The following SLC12A9 variants were observed in gnomAD, a reference collection of about 807,000 sequenced individuals.
The protein encoded by SLC12A9 is solute carrier family 12 member 9, also known as CCC-interacting protein 1.
In SLC12A9, 55 loss-of-function variants were observed where a neutral mutation model predicts 66.0. The observed-to-expected ratio is 0.83, with a 90% CI of 0.67 to 1.04. The LOEUF is 1.04. Among genes scored for constraint, SLC12A9 ranks in the 50% least tolerant of loss-of-function variants. SLC12A9 has a pLI of 0.00. For missense variants in SLC12A9, 1,061 were observed against 1,241.9 expected, an observed-to-expected ratio of 0.85 and a Z score of 2.19; for synonymous variants, 577 against 569.0, an observed-to-expected ratio of 1.01 and a Z score of -0.20.
chr7:100,833,513 CA>C (rs377751865), intron 1 of SLC12A9, among the ~76,000 whole-genome samples: 2 of 143,718 alleles, frequency 1.4e-5, no homozygotes, highest in South Asian at 2.2e-4. Flanking sequence ...CAAAACAAAA[CA>C]AAAAAAAACA....
intron 1 of SLC12A9, among the ~76,000 whole-genome samples, chr7:100,834,745 C>T (rs774178191): frequency 3.3e-4 from 50 of 151,952 alleles, no homozygotes; most frequent in Middle Eastern, 3.2e-3. Flanking sequence ...TGGTGGAGCA[C>T]GCCTGTGGTC....
intron 1 of SLC12A9, chr7:100,827,108 G>C (rs1232489369): frequency 6.8e-7 from 1 of 1,478,216 alleles, no homozygotes; most frequent in African/African-American, 1.4e-5. Context: ...TCCCTGGGCG[G>C]GTGGACGCCG....
intron 1 of SLC12A9, among the ~76,000 whole-genome samples, chr7:100,838,798 A>G (rs914567694): frequency 6.6e-5 from 10 of 152,228 alleles, no homozygotes; most frequent in African/African-American, 2.2e-4. Flanking sequence ...ATCTACAAGC[A>G]GACAGCCCGG....
chr7:100,830,673 A>C (rs1780651471), intron 1 of SLC12A9, among the ~76,000 whole-genome samples: 1 of 151,938 alleles, frequency 6.6e-6, no homozygotes, highest in South Asian at 2.1e-4. Context: ...GAGTGATCAC[A>C]TTGCTAGTTT....
At position 100,866,198 on chromosome 7, in the gene SLC12A9, G is replaced by T; in HGVS notation, c.2338G>T (p.Ala780Ser). The stretch of plus-strand genomic sequence containing the variant: ...CCTGGGGCCTCGGGAGGCGCCTGGG[G>T]CGGCCGAGGGGCGGCTGCGGGCACT... ...LCLGPREAPG[A>S]AEGRLRALLS... Residue 780 changes from alanine (A) to serine (S), a missense_variant, in exon 14 of 14, where the codon GCG becomes TCG. Transcript: ENST00000354161. This position sits in a 1 kb window ranked among gnomAD's most constrained non-coding sequence, Gnocchi z 7.3. 6.2e-7 allele frequency: 1 copy of T among 1,611,362 alleles called. No homozygotes were observed. The highest frequency in any genetic ancestry group is 8.5e-7 in the Non-Finnish European group (1 of 1,179,218).
intron 1 of SLC12A9, among the ~76,000 whole-genome samples, chr7:100,828,732 C>T (rs147517003): frequency 9.2e-5 from 14 of 152,130 alleles, no homozygotes; most frequent in African/African-American, 3.1e-4. Flanking sequence ...TGAGCTGTTT[C>T]CTGTCTGGCT....
At chr7:100,847,248 C>A (rs1024044948) in intron 1 of SLC12A9, among the ~76,000 whole-genome samples, 3 of 152,240 alleles carry the variant, frequency 2.0e-5, no homozygotes, top group Non-Finnish European at 4.4e-5. Flanking sequence ...GATCCACCCG[C>A]CTTGGCCTCC....
chr7:100,859,069 C>T lies in SLC12A9; in HGVS notation c.885C>T (p.Ser295=). The T allele has an allele frequency of 6.2e-7, 1 of 1,613,724 alleles. No homozygotes were observed. Among genetic ancestry groups the T allele is most frequent in the Non-Finnish European group, 8.5e-7 (1 of 1,179,998 alleles). The change falls in exon 7 of 14, where the codon AGC becomes AGT. Residue 295 remains serine, a synonymous_variant. Coordinates refer to ENST00000354161, the MANE Select transcript of SLC12A9 (RefSeq NM_020246.4). ...CTCCAGGGGAGCTGAAGGACCCCAG[C>T]CGGGCGATCCCTCTGGGCACGATCG... ...ANMSGELKDP[S]RAIPLGTIVA...
At chr7:100,827,197 A>C (rs1223998604) in intron 1 of SLC12A9, 1 of 511,140 alleles carries the variant, frequency 2.0e-6, no homozygotes, top group Non-Finnish European at 2.9e-6. Context: ...GGCGGCGCCA[A>C]GTGTGGCCCC....
At chr7:100,845,555 A>T (rs1026946527) in intron 1 of SLC12A9, among the ~76,000 whole-genome samples, 1 of 151,952 alleles carries the variant, frequency 6.6e-6, no homozygotes, top group East Asian at 1.9e-4. Flanking sequence ...TTCACCATGT[A>T]AGCCAGGATG....
At chr7:100,849,812 C>T (rs755118837), upstream of SLC12A9, among the ~76,000 whole-genome samples, 3 of 151,784 alleles carry the variant, frequency 2.0e-5, no homozygotes, top group East Asian at 1.9e-4. Flanking sequence ...CACTGGATCC[C>T]GAGTTCATCC....
In SLC12A9 at chr7:100,861,516, G is replaced by A. The variant is rs749375754; in HGVS notation, c.1468G>A (p.Ala490Thr). 68 of 1,613,758 alleles carry A rather than the reference G, an allele frequency of 4.2e-5. No individual in the cohort carries two copies. Among genetic ancestry groups the A allele is most frequent in the Non-Finnish European group, 5.3e-5 (62 of 1,180,038 alleles). The change falls in exon 11 of 14, where the codon GCC becomes ACC. Residue 490 changes from alanine to threonine, a missense_variant. Transcript: ENST00000354161. The surrounding 1 kb of genome is among the most constrained non-coding windows in gnomAD (Gnocchi z 5.3). ...GSLLLMGLLA[A>T]LLTARGGPSS... Reference sequence around the variant, plus strand: ...CCTGCTCCTCATGGGTCTGCTGGCTGCCCTGCTCACCGCGCGAGGAGGCCC... The same window carrying A: ...CCTGCTCCTCATGGGTCTGCTGGCTACCCTGCTCACCGCGCGAGGAGGCCC...
chr7:100,861,643 CTT>C lies in SLC12A9; in HGVS notation c.1536+61_1536+62del, dbSNP rs111459384. ...GAGGTGGTCAAAGAACCCCCTCTCTCTTTGGCTGGAGTTGGTGCTCCCGTCCA... is the reference window on the plus strand; with the variant it reads ...GAGGTGGTCAAAGAACCCCCTCTCTCTGGCTGGAGTTGGTGCTCCCGTCCA... On this transcript the variant is annotated intron_variant, in intron 11 of 13. Transcript: ENST00000354161. The surrounding 1 kb of genome is among the most constrained non-coding windows in gnomAD (Gnocchi z 5.3). The C allele has an allele frequency of 0.03, 47,584 of 1,608,442 alleles. 1,639 individuals are homozygous for C. The highest frequency in any genetic ancestry group is 0.17 in the African/African-American group (12,758 of 74,872).
At chr7:100,856,195 C>CACAGT (rs1814376045) in intron 4 of SLC12A9, 1 of 181,044 alleles carries the variant, frequency 5.5e-6, no homozygotes, top group African/African-American at 2.4e-5. Flanking sequence ...ACAGTTGGGG[C>CACAGT]TGGGTCCCTT....
At chr7:100,830,126 C>T (rs987624609) in intron 1 of SLC12A9, among the ~76,000 whole-genome samples, 1 of 151,446 alleles carries the variant, frequency 6.6e-6, no homozygotes, top group Non-Finnish European at 1.5e-5. Context: ...CCGAGGCAGG[C>T]GGATCACCTG....
intron 1 of SLC12A9, among the ~76,000 whole-genome samples, chr7:100,828,889 T>C (rs1039183362): frequency 1.3e-5 from 2 of 151,850 alleles, no homozygotes; most frequent in Non-Finnish European, 2.9e-5. Flanking sequence ...CAGTATGGGT[T>C]ACTGGATAGA....
At chr7:100,840,197 G>C (rs977518594) in intron 1 of SLC12A9, among the ~76,000 whole-genome samples, 1 of 144,480 alleles carries the variant, frequency 6.9e-6, no homozygotes, top group South Asian at 2.1e-4. Context: ...TGTGGTGTGC[G>C]TGTGGTGTGA....
In SLC12A9 at chr7:100,854,772, T is replaced by C. The variant is rs958064255; in HGVS notation, c.316+18T>C. The C allele has an allele frequency of 1.2e-6, 2 of 1,613,518 alleles. No homozygotes were observed. The highest frequency in any genetic ancestry group is 2.2e-5 in the East Asian group (1 of 44,886). On this transcript the variant is annotated intron_variant, in intron 3 of 13. Coordinates refer to ENST00000354161, the MANE Select transcript of SLC12A9 (RefSeq NM_020246.4). ...AGCCTACTGTATCCTCCAACATCGATGGACTGGGGTCTGGCCTGTTCTGCC... is the reference window on the plus strand; with the variant it reads ...AGCCTACTGTATCCTCCAACATCGACGGACTGGGGTCTGGCCTGTTCTGCC...
intron 1 of SLC12A9, among the ~76,000 whole-genome samples, chr7:100,831,165 T>G (rs1163360905): frequency 6.6e-6 from 1 of 152,166 alleles, no homozygotes; most frequent in Non-Finnish European, 1.5e-5. Context: ...TGGAGTTTTC[T>G]TTTTCTTTTC....
Sources: allele counts gnomAD v4.1 joint callset (sites outside exome capture counted in the v4.1 genomes callset), GRCh38; gene constraint gnomAD v4.1.1; non-coding constraint Gnocchi (gnomAD v3.1); transcripts MANE v1.5; gene names NCBI Gene and HGNC (gene_info 2026-07-23, HGNC 2026-07-21).